The following KIDINS220 variants were observed in gnomAD, a reference collection of about 807,000 sequenced individuals.
The protein encoded by KIDINS220 is kinase D-interacting substrate of 220 kDa.
Under a neutral mutation model 157.6 loss-of-function variants are expected in KIDINS220, and 63 were observed. The observed-to-expected ratio is 0.40, with a 90% CI of 0.33 to 0.49. The LOEUF (loss-of-function observed/expected upper bound fraction) is 0.49. KIDINS220 is among the 20% of genes least tolerant of loss of function. KIDINS220 has a pLI of 0.66. For synonymous variants in KIDINS220, 732 were observed against 783.6 expected, an observed-to-expected ratio of 0.93 and a Z score of 1.10; for missense variants, 1,772 against 2,171.2, an observed-to-expected ratio of 0.82 and a Z score of 3.65.
intron 4 of KIDINS220, among the ~76,000 whole-genome samples, chr2:8,815,543 C>T (rs1040183666): frequency 2.0e-5 from 3 of 152,122 alleles, no homozygotes; most frequent in East Asian, 3.9e-4. Context: ...GTGGCATGCA[C>T]CTGTAATCCC....
intron 23 of KIDINS220, among the ~76,000 whole-genome samples, 160 bp downstream of exon 23, chr2:8,751,306 C>A (rs920301293): frequency 6.6e-6 from 1 of 151,064 alleles, no homozygotes; most frequent in African/African-American, 2.4e-5. Flanking sequence ...AAAAGGATGC[C>A]AAGACTCCTA....
Position 8,794,183 on chromosome 2 carries a change from A to T in KIDINS220, c.1099-196T>A, listed in dbSNP as rs1673593596. On this transcript the variant is annotated intron_variant, in intron 11 of 29. Transcript: ENST00000256707. ...TGTAGCTCCTCATCCAGCTTTGCTC[A>T]GATACTGTTTCTCCCACAGCCCTCT... 1.9e-5 allele frequency: 8 copies of T among 420,434 alleles called. No homozygotes were observed. In the South Asian group the frequency reaches 3.6e-4, roughly 19 times the overall value. 26.0% of individuals were successfully genotyped at this position (420,434 alleles called of 1,614,324 possible).
At chr2:8,744,374 AAAAAAAAAAAAAAAATATATATATATAAT>A (rs1447019423) in intron 26 of KIDINS220, among the ~76,000 whole-genome samples, 4 of 5,400 alleles carry the variant, frequency 7.4e-4, no homozygotes, top group African/African-American at 1.8e-3. Context: ...AAAAAAAAAA[AAAAAAAAAAAAAAAATATATATATATAAT>A]ATATATATAT....
chr2:8,814,669 A>C, intron 4 of KIDINS220, among the ~76,000 whole-genome samples: 1 of 152,242 alleles, frequency 6.6e-6, no homozygotes, highest in South Asian at 2.1e-4. Flanking sequence ...AAATAGGTGA[A>C]AGTTTTAGTC....
intron 22 of KIDINS220, among the ~76,000 whole-genome samples, chr2:8,759,672 C>G (rs527378828): frequency 6.6e-6 from 1 of 151,542 alleles, no homozygotes; most frequent in Non-Finnish European, 1.5e-5. Context: ...TGGTAAGGCA[C>G]TGTCTTCATT....
intron 8 of KIDINS220, among the ~76,000 whole-genome samples, chr2:8,801,172 A>T (rs1674635789): frequency 6.6e-6 from 1 of 152,224 alleles, no homozygotes; most frequent in Non-Finnish European, 1.5e-5. Context: ...TACTGGAAAC[A>T]GCTATTTTGG....
intron 26 of KIDINS220, among the ~76,000 whole-genome samples, chr2:8,744,543 C>T (rs1210419888): frequency 6.7e-6 from 1 of 148,900 alleles, no homozygotes; most frequent in Non-Finnish European, 1.5e-5. Context: ...TGTCCAAAAA[C>T]GTTTGTGTAG....
chr2:8,726,898 C>A, downstream of KIDINS220: 3 of 1,288,758 alleles, frequency 2.3e-6, no homozygotes, highest in Non-Finnish European at 3.0e-6. Flanking sequence ...TTAGTTTAAT[C>A]TGGATCCTCT....
At chr2:8,754,759 GA>G (rs1216185083) in intron 22 of KIDINS220, among the ~76,000 whole-genome samples, 1 of 152,108 alleles carries the variant, frequency 6.6e-6, no homozygotes, top group Non-Finnish European at 1.5e-5. Flanking sequence ...TTACATAAAA[GA>G]TTTCTATTTT....
intron 7 of KIDINS220, among the ~76,000 whole-genome samples, chr2:8,804,436 T>C (rs1026423178): frequency 6.6e-6 from 1 of 152,192 alleles, no homozygotes; most frequent in African/African-American, 2.4e-5. Context: ...AAAAGTGATA[T>C]CAGGCTTCTT....
At chr2:8,778,085 T>C (rs920757629) in intron 20 of KIDINS220, among the ~76,000 whole-genome samples, 1 of 152,188 alleles carries the variant, frequency 6.6e-6, no homozygotes, top group African/African-American at 2.4e-5. Context: ...GTCATATGCA[T>C]ACAGACATAT....
intron 1 of KIDINS220, among the ~76,000 whole-genome samples, chr2:8,834,817 A>C (rs1018127439): frequency 6.6e-6 from 1 of 152,034 alleles, no homozygotes; most frequent in African/African-American, 2.4e-5. Flanking sequence ...TTATGTATGT[A>C]TATGTATGTA....
At chr2:8,820,387 C>G in intron 2 of KIDINS220, among the ~76,000 whole-genome samples, 1 of 152,238 alleles carries the variant, frequency 6.6e-6, no homozygotes, top group East Asian at 1.9e-4. Context: ...CACAGGTACC[C>G]AAATATTTGC....
In KIDINS220 at chr2:8,778,898, G is replaced by A. The variant is rs775294999; in HGVS notation, c.2612C>T (p.Thr871Ile). The change falls in exon 19 of 30, where the codon ACA (threonine) becomes ATA (isoleucine). Residue 871 changes from threonine to isoleucine, a missense_variant and splice_region_variant. By Grantham distance (89) the Thr-to-Ile change is moderately conservative. Transcript: ENST00000256707. ...TACTTTAGGAGCCTGAGCTTTACCT[G>A]TAGTATCTGAGCATGGAACGTCTCC... ...TNGDVPCSDT[T>I]GIQEDADRRV... 6.2e-7 allele frequency: 1 copy of A among 1,614,058 alleles called. No individual in the cohort carries two copies. Among genetic ancestry groups the A allele is most frequent in the Non-Finnish European group, 8.5e-7 (1 of 1,179,900 alleles).
chr2:8,748,771 C>G (rs1666916561), intron 24 of KIDINS220, among the ~76,000 whole-genome samples: 1 of 151,960 alleles, frequency 6.6e-6, no homozygotes. Flanking sequence ...ATAACTACAG[C>G]AAAAAGTAGC....
intron 26 of KIDINS220, among the ~76,000 whole-genome samples, chr2:8,742,783 T>C (rs1223353740): frequency 6.6e-6 from 1 of 152,208 alleles, no homozygotes; most frequent in East Asian, 1.9e-4. Flanking sequence ...CCCACTAGAA[T>C]AGCGCCTCTT....
Position 8,815,166 on chromosome 2 carries a change from C to T in KIDINS220, c.307-1831G>A, listed in dbSNP as rs772931962. Reference sequence around the variant, plus strand: ...CTGTAATGCCAGCACTTTGGGAGGCCGAGGCAGGCAGATCACTTGAGCTCA... The same window carrying T: ...CTGTAATGCCAGCACTTTGGGAGGCTGAGGCAGGCAGATCACTTGAGCTCA... On this transcript the variant is annotated intron_variant, in intron 4 of 29. Coordinates refer to ENST00000256707, the MANE Select transcript of KIDINS220 (RefSeq NM_020738.4). 6.7e-4 allele frequency among the ~76,000 whole-genome samples: 102 copies of T among 152,098 alleles called. 2 individuals are homozygous for T. The highest frequency in any genetic ancestry group is 2.1e-4 in the South Asian group (1 of 4,798).
chr2:8,722,154 G>C (rs1284919579), downstream of KIDINS220: 2 of 151,920 alleles, frequency 1.3e-5, no homozygotes, highest in African/African-American at 2.4e-5. Context: ...TCAACTACAG[G>C]AGTTTTAGGA....
At position 8,731,251 on chromosome 2, in the gene KIDINS220, G is replaced by A; in HGVS notation, c.4785C>T (p.Pro1595=). 6.2e-7 allele frequency: 1 copy of A among 1,614,088 alleles called. No homozygotes were observed. Among genetic ancestry groups the A allele is most frequent in the Non-Finnish European group, 8.5e-7 (1 of 1,180,042 alleles). The change falls in exon 30 of 30, where the codon CCC becomes CCT. Residue 1595 remains proline, a synonymous_variant. Transcript: ENST00000256707. This position sits in a 1 kb window ranked among gnomAD's most constrained non-coding sequence, Gnocchi z 5.2. Reference sequence around the variant, plus strand: ...CCACTTCATTGTGCAGAGAGTGATTGGGAGAACTTTCACTGGATCTCACTC... The same window carrying A: ...CCACTTCATTGTGCAGAGAGTGATTAGGAGAACTTTCACTGGATCTCACTC... ...DSGVRSSESS[P]NHSLHNEVAD...
Sources: allele counts gnomAD v4.1 joint callset (sites outside exome capture counted in the v4.1 genomes callset), GRCh38; gene constraint gnomAD v4.1.1; non-coding constraint Gnocchi (gnomAD v3.1); transcripts MANE v1.5; gene names NCBI Gene and HGNC (gene_info 2026-07-23, HGNC 2026-07-21).